Variants in SHROOM4 observed in about 807,000 individuals in gnomAD.
The protein encoded by SHROOM4 is shroom family member 4.
Under a neutral mutation model 80.3 loss-of-function variants are expected in SHROOM4, and 17 were observed. The ratio of observed to expected loss-of-function variants is 0.21; its 90% CI spans 0.14 to 0.32. SHROOM4 has a LOEUF of 0.32. Among genes scored for constraint, SHROOM4 ranks in the 10% least tolerant of loss-of-function variants. The probability of loss-of-function intolerance (pLI) is 1.00; values close to 1 mark genes in which losing one functional copy is unlikely to be tolerated. For synonymous variants in SHROOM4, 400 were observed against 437.5 expected (o/e 0.91, Z 1.07); for missense variants, 993 against 1,140.3 (o/e 0.87, Z 1.86).
At chrX:50,615,098 T>TTG (rs58621277) in intron 5 of SHROOM4, among the ~76,000 whole-genome samples, 43,124 of 98,066 alleles carry the variant, frequency 0.44, 9,250 homozygotes, top group East Asian at 0.68. Context: ...GATTCTCTTA[T>TTG]TGTGTGTGTG....
intron 2 of SHROOM4, among the ~76,000 whole-genome samples, chrX:50,677,958 T>C (rs909146536): frequency 5.0e-4 from 56 of 111,263 alleles, no homozygotes; most frequent in African/African-American, 1.8e-3. Flanking sequence ...CAAGTATGAG[T>C]CATTCAAAAG....
At chrX:50,750,706 G>A (rs1934897927) in intron 1 of SHROOM4, among the ~76,000 whole-genome samples, 1 of 112,206 alleles carries the variant, frequency 8.9e-6, no homozygotes. Flanking sequence ...ATTTCTAGCA[G>A]TAGATCTGCA....
In SHROOM4 at chrX:50,634,532, C is replaced by A. The variant is rs149678940; in HGVS notation, c.1541G>T (p.Arg514Ile). The A allele has an allele frequency of 9.3e-5, 113 of 1,209,898 alleles. 2 individuals are homozygous for A. Among genetic ancestry groups the A allele is most frequent in the South Asian group, 6.3e-4 (36 of 56,770 alleles). ...CAATTCACTGGCTGCTCTGCTTGTT[C>A]TGTTTGGGTCCAGGAAACCTTTTTC... is the stretch of plus-strand genomic sequence containing the variant. ...PSEKGFLDPN[R>I]TSRAASELAN... is the part of the protein sequence containing the mutation. The change falls in exon 4 of 9, where the codon AGA (arginine) becomes ATA (isoleucine). Residue 514 changes from arginine (R) to isoleucine (I), a missense_variant. Coordinates refer to ENST00000376020, the MANE Select transcript of SHROOM4 (RefSeq NM_020717.5).
chrX:50,809,138 T>C (rs1275014545), intron 1 of SHROOM4, among the ~76,000 whole-genome samples: 2 of 111,469 alleles, frequency 1.8e-5, no homozygotes, highest in Non-Finnish European at 3.8e-5. Flanking sequence ...AGGGGATTCA[T>C]GTAGGTAACC....
intron 2 of SHROOM4, among the ~76,000 whole-genome samples, chrX:50,685,797 A>T (rs1557262192): frequency 8.9e-6 from 1 of 112,043 alleles, no homozygotes; most frequent in African/African-American, 3.2e-5. Flanking sequence ...CTTTGATTGA[A>T]GCTTGACTTT....
At chrX:50,747,716 T>C (rs1259025834) in intron 1 of SHROOM4, among the ~76,000 whole-genome samples, 1 of 111,955 alleles carries the variant, frequency 8.9e-6, no homozygotes, top group Non-Finnish European at 1.9e-5. Context: ...TTAAATGGAA[T>C]AGGGCTACTT....
At chrX:50,805,165 C>T (rs1479789407) in intron 1 of SHROOM4, among the ~76,000 whole-genome samples, 2 of 111,680 alleles carry the variant, frequency 1.8e-5, no homozygotes, top group African/African-American at 3.3e-5. Context: ...GTCATCCTCT[C>T]ATAAGTAAAG....
chrX:50,769,564 T>TA (rs782503834), intron 1 of SHROOM4, among the ~76,000 whole-genome samples: 7 of 111,586 alleles, frequency 6.3e-5, no homozygotes, highest in Non-Finnish European at 9.4e-5. Context: ...CATTCACTTG[T>TA]TCTAGCCATT....
At chrX:50,658,314 T>C (rs1484718017) in intron 2 of SHROOM4, among the ~76,000 whole-genome samples, 2 of 111,651 alleles carry the variant, frequency 1.8e-5, no homozygotes, top group Non-Finnish European at 3.8e-5. Flanking sequence ...AGAAATCTGG[T>C]AGATACTCTG....
intron 1 of SHROOM4, among the ~76,000 whole-genome samples, chrX:50,766,351 G>C (rs1388144593): frequency 9.1e-6 from 1 of 109,911 alleles, no homozygotes; most frequent in African/African-American, 3.3e-5. Context: ...GAGACAGAAA[G>C]ACACACACAC....
intron 2 of SHROOM4, among the ~76,000 whole-genome samples, chrX:50,686,144 G>A (rs782422367): frequency 8.8e-4 from 97 of 110,251 alleles, no homozygotes; most frequent in Non-Finnish European, 1.6e-3. Context: ...ATTCTCCTGC[G>A]TCTCAGCCTC....
intron 1 of SHROOM4, among the ~76,000 whole-genome samples, chrX:50,724,736 C>A (rs1422346599): frequency 8.9e-6 from 1 of 112,682 alleles, no homozygotes; most frequent in African/African-American, 3.2e-5. Context: ...CTGCCTCAGC[C>A]TCCCAAAGGG....
chrX:50,783,901 C>A (rs1935683760), intron 1 of SHROOM4, among the ~76,000 whole-genome samples: 1 of 111,775 alleles, frequency 8.9e-6, no homozygotes, highest in South Asian at 3.7e-4. Context: ...TATAAAAATT[C>A]AAACAAGGAA....
intron 1 of SHROOM4, among the ~76,000 whole-genome samples, chrX:50,713,440 G>A (rs1337948136): frequency 3.6e-5 from 4 of 109,632 alleles, no homozygotes; most frequent in Admixed American, 9.6e-5. Flanking sequence ...AGACCAGCCT[G>A]GGCAACATAG....
intron 1 of SHROOM4, among the ~76,000 whole-genome samples, chrX:50,714,848 T>A (rs1013752431): frequency 9.0e-6 from 1 of 111,616 alleles, no homozygotes; most frequent in South Asian, 3.8e-4. Context: ...CAGAAGATCA[T>A]GAAGCTTCAG....
intron 1 of SHROOM4, among the ~76,000 whole-genome samples, chrX:50,792,818 G>A (rs1935880478): frequency 9.4e-6 from 1 of 105,838 alleles, no homozygotes; most frequent in South Asian, 4.4e-4. Context: ...GATAAGTGTT[G>A]GATACGGAGA....
intron 1 of SHROOM4, among the ~76,000 whole-genome samples, chrX:50,702,428 C>A (rs1469256546): frequency 9.0e-6 from 1 of 111,113 alleles, no homozygotes; most frequent in Non-Finnish European, 1.9e-5. Context: ...AGGAACAACC[C>A]AAATGTCCTT....
At chrX:50,644,957 C>T (rs1221884726) in intron 2 of SHROOM4, among the ~76,000 whole-genome samples, 1 of 111,963 alleles carries the variant, frequency 8.9e-6, no homozygotes, top group African/African-American at 3.2e-5. Context: ...TTAATATTAC[C>T]CGTATGCAAA....
intron 1 of SHROOM4, among the ~76,000 whole-genome samples, chrX:50,791,216 C>A (rs1293681630): frequency 2.7e-5 from 3 of 110,813 alleles, no homozygotes; most frequent in Non-Finnish European, 5.7e-5. Flanking sequence ...TACTATAGCA[C>A]CTAAAATAAT....
Sources: gnomAD v4.1 joint callset for allele counts (sites outside exome capture counted in the v4.1 genomes callset) on GRCh38, gnomAD v4.1.1 for gene constraint, MANE v1.5 for transcripts, NCBI Gene and HGNC (gene_info 2026-07-23, HGNC 2026-07-21) for gene names.